The following CPVL variants were observed in gnomAD, a reference collection of about 807,000 sequenced individuals.
CPVL encodes the protein carboxypeptidase vitellogenic like, also known as probable serine carboxypeptidase CPVL.
Under a neutral mutation model 63.7 loss-of-function variants are expected in CPVL, and 51 were observed. The observed-to-expected ratio is 0.80, with a 90% confidence interval of 0.64 to 1.01. The LOEUF (loss-of-function observed/expected upper bound fraction) is 1.01, where lower values mean the gene tolerates loss of function less well. CPVL is among the 50% of genes least tolerant of loss of function. The pLI is 0.00. For missense variants in CPVL, 530 were observed against 573.1 expected (o/e 0.92, Z 0.77); for synonymous variants, 195 against 206.0 (o/e 0.95, Z 0.46).
intron 11 of CPVL, among the ~76,000 whole-genome samples, chr7:29,063,858 C>G (rs1782876852): frequency 6.6e-6 from 1 of 151,860 alleles, no homozygotes; most frequent in Non-Finnish European, 1.5e-5. Context: ...AGGTATAAGT[C>G]ACCACAACGG....
intron 2 of CPVL, among the ~76,000 whole-genome samples, chr7:29,118,529 C>T (rs1385176426): frequency 6.6e-6 from 1 of 152,180 alleles, no homozygotes; most frequent in African/African-American, 2.4e-5. Context: ...ACACTAAATA[C>T]ATTATCAAAG....
intron 3 of CPVL, 89 bp from the exon 4 acceptor site, chr7:29,096,306 G>A (rs1404845128): frequency 2.0e-6 from 2 of 1,016,078 alleles, no homozygotes; most frequent in Non-Finnish European, 3.1e-6. Flanking sequence ...AATCCTCTCT[G>A]TGTTACAGGG....
At chr7:29,125,602 A>G (rs528028254) in intron 1 of CPVL, among the ~76,000 whole-genome samples, 61 of 151,912 alleles carry the variant, frequency 4.0e-4, no homozygotes, top group Non-Finnish European at 7.4e-4. Flanking sequence ...CACGTTGGCC[A>G]GGCTGACCTC....
intron 12 of CPVL, among the ~76,000 whole-genome samples, chr7:29,016,471 T>C (rs1786424254): frequency 6.6e-6 from 1 of 152,126 alleles, no homozygotes; most frequent in African/African-American, 2.4e-5. Flanking sequence ...CCCCCTCCAA[T>C]TGGTGAGGGC....
At chr7:29,104,074 A>T (rs556193329) in intron 3 of CPVL, among the ~76,000 whole-genome samples, 30 of 152,304 alleles carry the variant, frequency 2.0e-4, no homozygotes, top group African/African-American at 6.7e-4. Flanking sequence ...TAGAATTGTT[A>T]AATAGGTACA....
At chr7:29,124,382 T>A (rs1789752477) in intron 1 of CPVL, among the ~76,000 whole-genome samples, 1 of 152,186 alleles carries the variant, frequency 6.6e-6, no homozygotes, top group Non-Finnish European at 1.5e-5. Context: ...AAACAAAATG[T>A]TCTTCTTAAT....
rs543494515 is a variant in CPVL at position 29,077,824 on chromosome 7, C to A, written c.610-5401G>T. 2.2e-3 allele frequency among the ~76,000 whole-genome samples: 332 copies of A among 152,200 alleles called. 1 individual carries two copies. The highest frequency in any genetic ancestry group is 3.5e-3 in the Non-Finnish European group (240 of 68,006). ...AGAACTTTATACACACACTGAACAC[C>A]CCAGGAAAGCCACAAAACCTGGTGA... On this transcript the variant is annotated intron_variant, in intron 7 of 12. Coordinates refer to ENST00000265394, the MANE Select transcript of CPVL (RefSeq NM_031311.5).
At chr7:29,020,913 T>C (rs1786901213) in intron 12 of CPVL, among the ~76,000 whole-genome samples, 2 of 152,184 alleles carry the variant, frequency 1.3e-5, no homozygotes, top group Admixed American at 1.3e-4. Flanking sequence ...TGGTGGCTCA[T>C]ACCTGTAATC....
chr7:29,053,677 G>A (rs1790423004), intron 11 of CPVL, among the ~76,000 whole-genome samples: 1 of 152,156 alleles, frequency 6.6e-6, no homozygotes, highest in East Asian at 1.9e-4. Context: ...GATGGCTGCA[G>A]AGAAAATTGC....
chr7:29,130,188 G>C (rs1050374398), intron 1 of CPVL, among the ~76,000 whole-genome samples: 1 of 152,224 alleles, frequency 6.6e-6, no homozygotes, highest in African/African-American at 2.4e-5. Context: ...AAGGAGTTGG[G>C]ATGGAGGGTG....
At chr7:29,186,993 C>A (rs1190940730) in intron 1 of CPVL, among the ~76,000 whole-genome samples, 1 of 152,078 alleles carries the variant, frequency 6.6e-6, no homozygotes, top group Non-Finnish European at 1.5e-5. Flanking sequence ...ATGAGGATAA[C>A]AATTCTCACT....
chr7:29,048,998 CT>C (rs1252271462), intron 11 of CPVL, among the ~76,000 whole-genome samples: 1 of 151,986 alleles, frequency 6.6e-6, no homozygotes, highest in Non-Finnish European at 1.5e-5. Flanking sequence ...ATCAAAACCT[CT>C]GGGATACAGC....
intron 5 of CPVL, among the ~76,000 whole-genome samples, chr7:29,154,485 C>T (rs2128697895): frequency 6.6e-6 from 1 of 152,258 alleles, no homozygotes; most frequent in East Asian, 1.9e-4. Context: ...AGAGATGACA[C>T]TTCTTATACT....
intron 12 of CPVL, among the ~76,000 whole-genome samples, chr7:29,004,440 G>A (rs562625640): frequency 6.6e-6 from 1 of 152,134 alleles, no homozygotes; most frequent in African/African-American, 2.4e-5. Context: ...AATTTTCTCT[G>A]TATTAACTCC....
At chr7:29,024,640 A>G (rs1215454079) in intron 12 of CPVL, among the ~76,000 whole-genome samples, 1 of 152,236 alleles carries the variant, frequency 6.6e-6, no homozygotes, top group Non-Finnish European at 1.5e-5. Context: ...CCATCAGACT[A>G]ACAGTTTTCT....
At chr7:29,188,948 CTTTTT>C (rs11376135) in intron 1 of CPVL, among the ~76,000 whole-genome samples, 2 of 129,974 alleles carry the variant, frequency 1.5e-5, no homozygotes, top group East Asian at 2.2e-4. Context: ...TTCCTCATAC[CTTTTT>C]TTTTTTTTTT....
intron 11 of CPVL, among the ~76,000 whole-genome samples, chr7:29,052,649 C>T (rs1407717276): frequency 6.6e-6 from 1 of 152,158 alleles, no homozygotes; most frequent in East Asian, 1.9e-4. Flanking sequence ...GTGGCTCACG[C>T]CTGTAATCCC....
At chr7:29,080,557 C>CAA (rs138264408) in intron 7 of CPVL, among the ~76,000 whole-genome samples, 25 of 103,194 alleles carry the variant, frequency 2.4e-4, no homozygotes, top group African/African-American at 9.0e-4. Flanking sequence ...CACTTTGTCT[C>CAA]AAAAAAAAAA....
intron 5 of CPVL, among the ~76,000 whole-genome samples, chr7:29,155,406 T>A (rs1296780247): frequency 6.6e-6 from 1 of 152,170 alleles, no homozygotes; most frequent in Non-Finnish European, 1.5e-5. Flanking sequence ...CCAGCCAAAG[T>A]CATGCTAAGT....
Sources: allele counts gnomAD v4.1 joint callset (sites outside exome capture counted in the v4.1 genomes callset), GRCh38; gene constraint gnomAD v4.1.1; transcripts MANE v1.5; gene names NCBI Gene and HGNC (gene_info 2026-07-23, HGNC 2026-07-21).